The following GLDC variants were observed in gnomAD, a reference collection of about 807,000 sequenced individuals.
GLDC encodes the protein glycine dehydrogenase (decarboxylating), mitochondrial.
A neutral mutation model predicts 121.3 loss-of-function variants in GLDC; 104 were observed. The ratio of observed to expected loss-of-function variants is 0.86; its 90% CI spans 0.73 to 1.01. The LOEUF is 1.01. Ranked by LOEUF, GLDC falls within the 50% of genes least tolerant of loss-of-function variation. The pLI is 0.00. For synonymous variants in GLDC, 546 were observed against 480.6 expected (o/e 1.14, Z -1.78); for missense variants, 1,429 against 1,306.6 (o/e 1.09, Z -1.44).
intron 15 of GLDC, among the ~76,000 whole-genome samples, chr9:6,570,259 A>C (rs1341170341): frequency 6.6e-6 from 1 of 152,240 alleles, no homozygotes; most frequent in Admixed American, 6.5e-5. Context: ...ATTTTTATAC[A>C]AGTCAAAAGA....
chr9:6,595,647 G>GTGGCAAAGGAC (rs1425234913), intron 8 of GLDC, among the ~76,000 whole-genome samples: 1 of 152,206 alleles, frequency 6.6e-6, no homozygotes, highest in Non-Finnish European at 1.5e-5. Context: ...TGGAGAATCT[G>GTGGCAAAGGAC]TGGCAAAGGA....
intron 2 of GLDC, among the ~76,000 whole-genome samples, chr9:6,624,852 G>T (rs533781935): frequency 6.6e-6 from 1 of 152,102 alleles, no homozygotes; most frequent in Non-Finnish European, 1.5e-5. Context: ...GCTGGGCCTG[G>T]TGGCATGTGC....
chr9:6,559,858 C>G (rs950148153), intron 16 of GLDC, among the ~76,000 whole-genome samples: 1 of 152,058 alleles, frequency 6.6e-6, no homozygotes, highest in African/African-American at 2.4e-5. Context: ...AACCCCTACC[C>G]CGGGTTCACA....
chr9:6,539,035 A>G (rs1369520752), intron 22 of GLDC, among the ~76,000 whole-genome samples: 1 of 152,148 alleles, frequency 6.6e-6, no homozygotes, highest in Non-Finnish European at 1.5e-5. Flanking sequence ...GAAACTATTA[A>G]ATTTAAAAGA....
chr9:6,614,133 C>A (rs1370415846), intron 3 of GLDC, among the ~76,000 whole-genome samples: 4 of 152,108 alleles, frequency 2.6e-5, no homozygotes, highest in Non-Finnish European at 5.9e-5. Context: ...ATGTTCCTCT[C>A]CAGAAAGAGC....
At chr9:6,597,370 G>A (rs183951109) in intron 8 of GLDC, among the ~76,000 whole-genome samples, 1 of 152,198 alleles carries the variant, frequency 6.6e-6, no homozygotes, top group Admixed American at 6.5e-5. Flanking sequence ...TGAAACTTAC[G>A]GTGAGTTACA....
intron 2 of GLDC, among the ~76,000 whole-genome samples, chr9:6,642,678 C>A (rs992475509): frequency 6.6e-6 from 1 of 152,124 alleles, no homozygotes; most frequent in Non-Finnish European, 1.5e-5. Context: ...AAAGGATACA[C>A]AACTTTGCCA....
chr9:6,570,831 G>A (rs866246186), intron 15 of GLDC, among the ~76,000 whole-genome samples: 7 of 128,070 alleles, frequency 5.5e-5, no homozygotes, highest in South Asian at 4.8e-4. Flanking sequence ...TCCAGCCTGC[G>A]CAACAAGAGC....
At chr9:6,578,848 G>T (rs1818123075) in intron 15 of GLDC, among the ~76,000 whole-genome samples, 1 of 152,128 alleles carries the variant, frequency 6.6e-6, no homozygotes, top group Non-Finnish European at 1.5e-5. Flanking sequence ...GTACTTTCCA[G>T]TTCTCCTTGT....
chr9:6,564,163 G>C (rs961617200), intron 16 of GLDC, among the ~76,000 whole-genome samples: 1 of 151,588 alleles, frequency 6.6e-6, no homozygotes, highest in Admixed American at 6.6e-5. Context: ...CACAAGAATC[G>C]CTTGAACCCA....
At chr9:6,579,904 C>T (rs1374716375) in intron 15 of GLDC, among the ~76,000 whole-genome samples, 4 of 152,182 alleles carry the variant, frequency 2.6e-5, no homozygotes, top group African/African-American at 9.7e-5. Context: ...TCCATTCACC[C>T]TTAGGGCTGA....
chr9:6,538,206 T>G lies in GLDC; in HGVS notation c.2665+1845A>C, dbSNP rs114294604. ...TTCAGTCCAACATATCCTGCTGTAG[T>G]GGTCCCCATATTTTGAACCACCTGA... On this transcript the variant is annotated intron_variant, in intron 22 of 24. Transcript: ENST00000321612. Among the ~76,000 whole-genome samples, 659 of 152,184 alleles carry G rather than the reference T, an allele frequency of 4.3e-3. 2 individuals are homozygous for G. The highest frequency in any genetic ancestry group is 0.015 in the African/African-American group (615 of 41,516).
chr9:6,541,881 C>A (rs1257411756), intron 21 of GLDC: 1 of 134,330 alleles, frequency 7.4e-6, no homozygotes, highest in Non-Finnish European at 1.6e-5. Flanking sequence ...GAGCGTAAGA[C>A]TCTGAATATA....
chr9:6,572,732 A>T (rs1353883685), intron 15 of GLDC, among the ~76,000 whole-genome samples: 1 of 152,142 alleles, frequency 6.6e-6, no homozygotes, highest in Non-Finnish European at 1.5e-5. Context: ...CTTGGGTCTT[A>T]CTCACTGCTG....
intron 3 of GLDC, among the ~76,000 whole-genome samples, chr9:6,617,385 C>T (rs1293255521): frequency 3.3e-5 from 5 of 152,182 alleles, no homozygotes; most frequent in Non-Finnish European, 1.5e-5. Flanking sequence ...GGTGAATATT[C>T]TTTATGGCCA....
intron 7 of GLDC, among the ~76,000 whole-genome samples, chr9:6,603,822 G>A (rs1458528665): frequency 6.7e-6 from 1 of 149,310 alleles, no homozygotes; most frequent in Non-Finnish European, 1.5e-5. Flanking sequence ...CTCCACCTCC[G>A]TGGTTCAAGT....
At chr9:6,541,339 G>A (rs899331052) in intron 21 of GLDC, 19 of 152,126 alleles carry the variant, frequency 1.2e-4, no homozygotes, top group Non-Finnish European at 5.9e-5. Flanking sequence ...TTCCAGGAAA[G>A]TATCTACTCA....
chr9:6,615,399 G>C (rs1198018134), intron 3 of GLDC, among the ~76,000 whole-genome samples: 2 of 149,914 alleles, frequency 1.3e-5, no homozygotes, highest in East Asian at 2.0e-4. Context: ...GCAACACAGA[G>C]AAACCTTGTC....
chr9:6,642,651 C>T (rs1164776991), intron 2 of GLDC, among the ~76,000 whole-genome samples: 4 of 152,144 alleles, frequency 2.6e-5, no homozygotes, highest in Admixed American at 2.6e-4. Context: ...TCAGCTGGAA[C>T]CAAGAACTAA....
Sources: allele counts gnomAD v4.1 joint callset (sites outside exome capture counted in the v4.1 genomes callset), GRCh38; gene constraint gnomAD v4.1.1; transcripts MANE v1.5; gene names NCBI Gene and HGNC (gene_info 2026-07-23, HGNC 2026-07-21).